PLAGL1: variants seen among roughly 807,000 people sequenced by gnomAD.
The protein encoded by PLAGL1 is PLAG1 like zinc finger 1, also known as zinc finger protein PLAGL1.
In PLAGL1, 1 loss-of-function variant was observed where a neutral mutation model predicts 4.6. The ratio of observed to expected loss-of-function variants is 0.22; its 90% CI spans 0.08 to 1.03. The LOEUF (loss-of-function observed/expected upper bound fraction) is 1.03, where lower values mean the gene tolerates loss of function less well. Among genes scored for constraint, PLAGL1 ranks in the 50% least tolerant of loss-of-function variants. The pLI, the probability that PLAGL1 is intolerant of heterozygous loss-of-function variation, is 0.58. For missense variants in PLAGL1, 464 were observed against 570.4 expected, an observed-to-expected ratio of 0.81 and a Z score of 1.90; for synonymous variants, 240 against 237.8, an observed-to-expected ratio of 1.01 and a Z score of -0.08.
rs1469449820 is a variant in PLAGL1, at chr6:143,990,541, C to T, written c.-583-5367G>A. The stretch of plus-strand genomic sequence containing the variant: ...ACTTAGATAATCCCCATTTCCTTAC[C>T]TCCCACTCACTTTCCAACCCATTCC... On this transcript the variant is annotated intron_variant, in intron 1 of 7. Transcript: ENST00000674357. This position sits in a 1 kb window ranked among gnomAD's most constrained non-coding sequence, Gnocchi z 5.4. 6.6e-6 allele frequency among the ~76,000 whole-genome samples: 1 copy of T among 152,162 alleles called. No homozygotes were observed. Among genetic ancestry groups the T allele is most frequent in the African/African-American group, 2.4e-5 (1 of 41,426 alleles).
In PLAGL1 at chr6:143,961,987, A is replaced by G. The variant is rs939961007; in HGVS notation, c.-398-1445T>C. Among the ~76,000 whole-genome samples, 6 of 152,210 alleles carry G rather than the reference A, an allele frequency of 3.9e-5. No individual in the cohort carries two copies. Among genetic ancestry groups the G allele is most frequent in the Admixed American group, 2.6e-4 (4 of 15,276 alleles). On this transcript the variant is annotated intron_variant, in intron 5 of 7. Coordinates refer to ENST00000674357, the MANE Select transcript of PLAGL1 (RefSeq NM_001317162.2). This position sits in a 1 kb window ranked among gnomAD's most constrained non-coding sequence, Gnocchi z 6.5. The stretch of plus-strand genomic sequence containing the variant: ...AAGAAAGCGATTCCTTTCTGAATTC[A>G]ACAATACTCCTTGGCCTCCAAGGGC...
At chr6:143,986,199 G>T (rs1311107965) in intron 1 of PLAGL1, among the ~76,000 whole-genome samples, 1 of 151,538 alleles carries the variant, frequency 6.6e-6, no homozygotes, top group Non-Finnish European at 1.5e-5. Flanking sequence ...CCATGATAAA[G>T]TCAAGATGTT....
At chr6:144,033,933 T>C (rs1797020882) in intron 1 of PLAGL1, among the ~76,000 whole-genome samples, 1 of 152,338 alleles carries the variant, frequency 6.6e-6, no homozygotes, top group African/African-American at 2.4e-5. Flanking sequence ...GCAGCTATTA[T>C]AAATGTGCTC....
rs1583619512 is a variant in PLAGL1, at chr6:144,004,207, G to A, written c.-584+3883C>T. ...TAATTTTTTTTTTTTTTAAGATGGG[G>A]TCATCTCACTGTCACCCAGGCTGCA... On this transcript the variant is annotated intron_variant, in intron 1 of 7. Transcript: ENST00000674357. The surrounding 1 kb of genome is among the most constrained non-coding windows in gnomAD (Gnocchi z 4.2). 1.3e-5 allele frequency among the ~76,000 whole-genome samples: 2 copies of A among 150,824 alleles called. No individual in the cohort carries two copies. The highest frequency in any genetic ancestry group is 1.9e-4 in the East Asian group (1 of 5,150).
At chr6:143,980,633 TATTTA>T (rs1353892334) in intron 2 of PLAGL1, among the ~76,000 whole-genome samples, 1 of 152,200 alleles carries the variant, frequency 6.6e-6, no homozygotes, top group African/African-American at 2.4e-5. Context: ...TTATTAAATC[TATTTA>T]ATTTATTTTA....
At position 144,036,742 on chromosome 6, in the gene PLAGL1, T is replaced by C; in HGVS notation, c.-151+27726A>G. The C allele has an allele frequency of 6.1e-6, 2 of 328,054 alleles. No individual in the cohort carries two copies. The highest frequency in any genetic ancestry group is 2.5e-5 in the South Asian group (1 of 40,156). The allele number at this position is 328,054 out of a possible 1,614,324, so 20.3% of individuals were successfully genotyped here. On this transcript the variant is annotated intron_variant, in intron 1 of 3. Coordinates refer to the PLAGL1 transcript ENST00000437412. The surrounding 1 kb of genome is among the most constrained non-coding windows in gnomAD (Gnocchi z 5.1). ...AAGTGAAACTACAGAACAGAAATTGTGCAACTTCCAGAAAACTGCTCTAAG... is the reference window on the plus strand; with the variant it reads ...AAGTGAAACTACAGAACAGAAATTGCGCAACTTCCAGAAAACTGCTCTAAG...
intron 1 of PLAGL1, among the ~76,000 whole-genome samples, chr6:144,021,253 T>C (rs1287097258): frequency 1.3e-5 from 2 of 152,196 alleles, no homozygotes; most frequent in Admixed American, 6.5e-5. Context: ...CTGGATTTAT[T>C]TGATAACATT....
At chr6:143,967,995 T>A (rs1784734230) in intron 3 of PLAGL1, 2 of 53,076 alleles carry the variant, frequency 3.8e-5, no homozygotes, top group Non-Finnish European at 9.8e-5. Context: ...AAGGACATTT[T>A]GCAAAAAAAA....
rs1000738569 is a variant in PLAGL1, at chr6:143,948,896, G to T, written c.-324-436C>A. On this transcript the variant is annotated intron_variant, in intron 6 of 7. Transcript: ENST00000674357. This position sits in a 1 kb window ranked among gnomAD's most constrained non-coding sequence, Gnocchi z 6.0. ...CACGGGCTCTTCCTCATCACTCATT[G>T]TTGGCATAACATTAGTTGCTTATCA... is the stretch of plus-strand genomic sequence containing the variant. Among the ~76,000 whole-genome samples the T allele has an allele frequency of 6.6e-6, 1 of 152,174 alleles. No homozygotes were observed. Among genetic ancestry groups the T allele is most frequent in the African/African-American group, 2.4e-5 (1 of 41,442 alleles).
intron 1 of PLAGL1, among the ~76,000 whole-genome samples, chr6:143,993,241 T>C (rs1790872413): frequency 6.6e-6 from 1 of 150,816 alleles, no homozygotes; most frequent in South Asian, 2.1e-4. Context: ...GAGGCAGAGT[T>C]TGCAGTGAGC....
intron 1 of PLAGL1, among the ~76,000 whole-genome samples, chr6:144,029,184 A>G (rs1436409249): frequency 1.3e-5 from 2 of 152,232 alleles, no homozygotes; most frequent in African/African-American, 2.4e-5. Context: ...AAAGAATGGA[A>G]TGAACATCTT....
Position 144,059,868 on chromosome 6 carries a change from G to A in PLAGL1, c.-151+4600C>T, listed in dbSNP as rs1799253657. Among the ~76,000 whole-genome samples, 1 of 152,090 alleles carries A rather than the reference G, an allele frequency of 6.6e-6. No homozygotes were observed. The highest frequency in any genetic ancestry group is 1.5e-5 in the Non-Finnish European group (1 of 68,016). ...GTCCATTTTGGGAGATAACCTCAAGGTTATTAGTACCTTTACTGTTTATTT... is the reference window on the plus strand; with the variant it reads ...GTCCATTTTGGGAGATAACCTCAAGATTATTAGTACCTTTACTGTTTATTT... On this transcript the variant is annotated intron_variant, in intron 1 of 3. Coordinates refer to the PLAGL1 transcript ENST00000437412. This position sits in a 1 kb window ranked among gnomAD's most constrained non-coding sequence, Gnocchi z 4.9.
chr6:143,962,197 T>A lies in PLAGL1; in HGVS notation c.-398-1655A>T, dbSNP rs555894829. Among the ~76,000 whole-genome samples, 2 of 152,310 alleles carry A rather than the reference T, an allele frequency of 1.3e-5. No individual in the cohort carries two copies. Among genetic ancestry groups the A allele is most frequent in the South Asian group, 4.1e-4 (2 of 4,826 alleles). On this transcript the variant is annotated intron_variant, in intron 5 of 7. Coordinates refer to ENST00000674357, the MANE Select transcript of PLAGL1 (RefSeq NM_001317162.2). This position sits in a 1 kb window ranked among gnomAD's most constrained non-coding sequence, Gnocchi z 5.3. ...CAGGCCTGGTCTGGGGGGAAAATCA[T>A]GTGCAGTATATGACGATTTAATAAA...
chr6:143,967,997 CAAAAAAAAAAAA>C (rs60021436), intron 3 of PLAGL1: 5 of 89,992 alleles, frequency 5.6e-5, no homozygotes, highest in East Asian at 3.1e-4. Flanking sequence ...GGACATTTTG[CAAAAAAAAAAAA>C]AAAAAAAAAC....
chr6:143,955,134 T>C lies in PLAGL1; in HGVS notation c.-325+5335A>G, dbSNP rs1394304514. Among the ~76,000 whole-genome samples, 1 of 152,150 alleles carries C rather than the reference T, an allele frequency of 6.6e-6. No individual in the cohort carries two copies. The highest frequency in any genetic ancestry group is 1.5e-5 in the Non-Finnish European group (1 of 68,038). On this transcript the variant is annotated intron_variant, in intron 6 of 7. Transcript: ENST00000674357. This position sits in a 1 kb window ranked among gnomAD's most constrained non-coding sequence, Gnocchi z 4.9. ...TAGAAGTGAAAATCATTACTAAAAC[T>C]TGAGGTGGTGGTTGTCTAGGCAGTG... is the stretch of plus-strand genomic sequence containing the variant.
intron 1 of PLAGL1, among the ~76,000 whole-genome samples, chr6:143,999,155 A>AT (rs1467338400): frequency 2.3e-4 from 35 of 152,142 alleles, no homozygotes; most frequent in Non-Finnish European, 1.5e-4. Context: ...GAAAGTTCAA[A>AT]TTTTTTTCCT....
At chr6:144,030,461 C>G (rs984890253) in intron 1 of PLAGL1, among the ~76,000 whole-genome samples, 1 of 152,058 alleles carries the variant, frequency 6.6e-6, no homozygotes, top group African/African-American at 2.4e-5. Flanking sequence ...GCAGTGTACA[C>G]TTTACCCAAT....
upstream of PLAGL1, among the ~76,000 whole-genome samples, chr6:144,009,877 C>T (rs1392719714): frequency 3.3e-5 from 5 of 152,186 alleles, no homozygotes; most frequent in East Asian, 9.6e-4. Flanking sequence ...CATAGTATTC[C>T]ATGGTGTATA....
intron 1 of PLAGL1, among the ~76,000 whole-genome samples, chr6:144,031,115 T>C (rs1796790519): frequency 6.6e-6 from 1 of 152,242 alleles, no homozygotes; most frequent in Admixed American, 6.5e-5. Context: ...GTTGAGCATT[T>C]TTCCATATGC....
Sources: allele counts gnomAD v4.1 joint callset (sites outside exome capture counted in the v4.1 genomes callset), GRCh38; gene constraint gnomAD v4.1.1; non-coding constraint Gnocchi (gnomAD v3.1); transcripts MANE v1.5; gene names NCBI Gene and HGNC (gene_info 2026-07-23, HGNC 2026-07-21).